CLSTN2: variants seen among roughly 807,000 people sequenced by gnomAD.
CLSTN2 encodes calsyntenin 2.
In CLSTN2, 48 loss-of-function variants were observed where a neutral mutation model predicts 101.2. The observed-to-expected ratio is 0.47, with a 90% confidence interval of 0.38 to 0.60. CLSTN2 has a LOEUF of 0.60. Ranked by LOEUF, CLSTN2 falls within the 20% of genes least tolerant of loss-of-function variation. CLSTN2 has a pLI of 0.00. For missense variants in CLSTN2, 1,160 were observed against 1,238.2 expected, an observed-to-expected ratio of 0.94 and a Z score of 0.95; for synonymous variants, 481 against 463.6, an observed-to-expected ratio of 1.04 and a Z score of -0.48.
rs188864505 is a variant in CLSTN2, at chr3:140,242,132, G to A, written c.232+66059G>A. 2.8e-3 allele frequency among the ~76,000 whole-genome samples: 429 copies of A among 151,992 alleles called. 1 individual carries two copies. Among genetic ancestry groups the A allele is most frequent in the Non-Finnish European group, 4.6e-3 (315 of 67,986 alleles). Reference sequence around the variant, plus strand: ...TCACCATGCTGGCCAGGCTGGTCTCGAATTCCTGACCTCAGGTAATCTGCC... The same window carrying A: ...TCACCATGCTGGCCAGGCTGGTCTCAAATTCCTGACCTCAGGTAATCTGCC... On this transcript the variant is annotated intron_variant, in intron 2 of 16. Transcript: ENST00000458420.
At chr3:140,246,790 T>C (rs2086521963) in intron 2 of CLSTN2, among the ~76,000 whole-genome samples, 1 of 152,132 alleles carries the variant, frequency 6.6e-6, no homozygotes, top group Non-Finnish European at 1.5e-5. Flanking sequence ...TGTCGGGCTT[T>C]TTAGCAGCTC....
intron 6 of CLSTN2, among the ~76,000 whole-genome samples, chr3:140,457,225 G>A (rs1933424583): frequency 6.6e-6 from 1 of 152,166 alleles, no homozygotes. Flanking sequence ...GATCATATTG[G>A]TCCCATTGGC....
intron 5 of CLSTN2, among the ~76,000 whole-genome samples, chr3:140,425,435 A>G (rs768690918): frequency 6.0e-4 from 91 of 152,216 alleles, no homozygotes; most frequent in Non-Finnish European, 1.0e-3. Context: ...ACAGAAGGAC[A>G]TCTCAGACCC....
At chr3:140,536,547 G>A (rs986657956) in intron 9 of CLSTN2, among the ~76,000 whole-genome samples, 1 of 152,082 alleles carries the variant, frequency 6.6e-6, no homozygotes, top group African/African-American at 2.4e-5. Flanking sequence ...GGTCAGAAAG[G>A]TAAATGAAGC....
chr3:140,284,061 A>C (rs2086872701), intron 2 of CLSTN2, among the ~76,000 whole-genome samples: 2 of 152,198 alleles, frequency 1.3e-5, no homozygotes, highest in Admixed American at 1.3e-4. Flanking sequence ...GCAAGAATTG[A>C]TGCAATTATT....
intron 2 of CLSTN2, among the ~76,000 whole-genome samples, chr3:140,359,300 G>A (rs1449025597): frequency 6.6e-6 from 1 of 152,116 alleles, no homozygotes; most frequent in African/African-American, 2.4e-5. Flanking sequence ...AAAAACGTTG[G>A]AACTTCTCAA....
chr3:140,184,936 C>T (rs964439411), intron 2 of CLSTN2, among the ~76,000 whole-genome samples: 1 of 152,162 alleles, frequency 6.6e-6, no homozygotes, highest in Non-Finnish European at 1.5e-5. Context: ...AAGACTCCCA[C>T]TCCAAGAGGA....
At chr3:140,348,418 A>G (rs1011484217) in intron 2 of CLSTN2, among the ~76,000 whole-genome samples, 2 of 152,054 alleles carry the variant, frequency 1.3e-5, no homozygotes, top group African/African-American at 2.4e-5. Flanking sequence ...ACTATTTTCA[A>G]TTTCCTTATG....
chr3:140,465,530 G>T (rs937327077), intron 7 of CLSTN2, among the ~76,000 whole-genome samples: 2 of 152,182 alleles, frequency 1.3e-5, no homozygotes, highest in Non-Finnish European at 1.5e-5. Context: ...TGTGCTGGGC[G>T]ATTCTCATGA....
At chr3:140,350,601 C>T (rs2107942418) in intron 2 of CLSTN2, among the ~76,000 whole-genome samples, 1 of 152,344 alleles carries the variant, frequency 6.6e-6, no homozygotes, top group African/African-American at 2.4e-5. Context: ...TTCATTTACT[C>T]ATTTATTCAT....
intron 1 of CLSTN2, among the ~76,000 whole-genome samples, chr3:140,077,318 C>A (rs914283203): frequency 6.6e-6 from 1 of 152,188 alleles, no homozygotes; most frequent in Non-Finnish European, 1.5e-5. Context: ...CAGGTTACCC[C>A]TCTGTGCTCC....
intron 1 of CLSTN2, among the ~76,000 whole-genome samples, chr3:140,002,845 TC>T (rs2006871944): frequency 6.7e-6 from 1 of 149,560 alleles, no homozygotes; most frequent in Non-Finnish European, 1.5e-5. Context: ...TATGTTCTTG[TC>T]ACTTTTATTG....
rs950900042 is a variant in CLSTN2, at chr3:140,379,628, G to T, written c.233-24001G>T. Among the ~76,000 whole-genome samples, 17 of 152,278 alleles carry T rather than the reference G, an allele frequency of 1.1e-4. 1 individual carries two copies. The highest frequency in any genetic ancestry group is 9.8e-4 in the Admixed American group (15 of 15,294). ...TTCTAAAGTAAAATAGCAAAACACAGCATCAATTTTAAAATGTGCATGCCC... is the reference window on the plus strand; with the variant it reads ...TTCTAAAGTAAAATAGCAAAACACATCATCAATTTTAAAATGTGCATGCCC... On this transcript the variant is annotated intron_variant, in intron 2 of 16. Transcript: ENST00000458420.
chr3:140,253,389 T>C (rs2086579708), intron 2 of CLSTN2, among the ~76,000 whole-genome samples: 2 of 152,230 alleles, frequency 1.3e-5, no homozygotes, highest in Non-Finnish European at 2.9e-5. Flanking sequence ...CTCCATCTAC[T>C]GTGCATGTGG....
chr3:140,088,633 A>C (rs1203610244), intron 1 of CLSTN2, among the ~76,000 whole-genome samples: 2 of 152,044 alleles, frequency 1.3e-5, no homozygotes, highest in Non-Finnish European at 2.9e-5. Context: ...GCCCCCTCCT[A>C]TGACTCTCCC....
chr3:139,936,614 C>T (rs932077548), intron 1 of CLSTN2, among the ~76,000 whole-genome samples: 17 of 152,180 alleles, frequency 1.1e-4, no homozygotes, highest in African/African-American at 3.6e-4. Context: ...CGGACGCTTG[C>T]TTTGAGCTAC....
intron 1 of CLSTN2, among the ~76,000 whole-genome samples, chr3:140,143,605 C>T (rs961099216): frequency 3.3e-5 from 5 of 152,166 alleles, no homozygotes; most frequent in Admixed American, 2.0e-4. Context: ...GCAAAGCTGA[C>T]ACATAAAATT....
intron 2 of CLSTN2, among the ~76,000 whole-genome samples, chr3:140,240,247 T>C (rs1377083604): frequency 9.0e-6 from 1 of 111,106 alleles, no homozygotes; most frequent in African/African-American, 3.0e-5. Flanking sequence ...TATATACACA[T>C]ATATATACAT....
chr3:140,019,037 G>A (rs1057367344), intron 1 of CLSTN2, among the ~76,000 whole-genome samples: 2 of 152,034 alleles, frequency 1.3e-5, no homozygotes, highest in African/African-American at 2.4e-5. Context: ...GAGTCTCCTC[G>A]GCTCTGAAGG....
Sources: gnomAD v4.1 joint callset for allele counts (sites outside exome capture counted in the v4.1 genomes callset) on GRCh38, gnomAD v4.1.1 for gene constraint, MANE v1.5 for transcripts, NCBI Gene and HGNC (gene_info 2026-07-23, HGNC 2026-07-21) for gene names.